PPP2R5E: variants seen among roughly 807,000 people sequenced by gnomAD.
PPP2R5E encodes the protein serine/threonine-protein phosphatase 2A 56 kDa regulatory subunit epsilon isoform.
Under a neutral mutation model 65.3 loss-of-function variants are expected in PPP2R5E, and 4 were observed. That is an observed-to-expected ratio of 0.06 (90% CI 0.03 to 0.14). The LOEUF is 0.14. Among genes scored for constraint, PPP2R5E ranks in the 10% least tolerant of loss-of-function variants. The probability of loss-of-function intolerance (pLI) is 1.00; values close to 1 mark genes in which losing one functional copy is unlikely to be tolerated. For missense variants in PPP2R5E, 274 were observed against 556.1 expected, an observed-to-expected ratio of 0.49 and a Z score of 5.10; for synonymous variants, 183 against 187.4, an observed-to-expected ratio of 0.98 and a Z score of 0.19.
intron 2 of PPP2R5E, among the ~76,000 whole-genome samples, chr14:63,517,891 T>C (rs1490661228): frequency 6.6e-6 from 1 of 152,202 alleles, no homozygotes; most frequent in African/African-American, 2.4e-5. Context: ...ACAATAATTC[T>C]AGATCTAATC....
chr14:63,485,196 TAAAA>T (rs200719135), intron 2 of PPP2R5E, among the ~76,000 whole-genome samples: 5 of 126,368 alleles, frequency 4.0e-5, no homozygotes, highest in Non-Finnish European at 6.7e-5. Context: ...TATACTCATT[TAAAA>T]AAAAAAAAAA....
At chr14:63,398,992 A>C (rs1885572874) in intron 5 of PPP2R5E, among the ~76,000 whole-genome samples, 2 of 152,222 alleles carry the variant, frequency 1.3e-5, no homozygotes, top group Admixed American at 6.5e-5. Context: ...GAGTTACTAT[A>C]TGACTAAGCG....
intron 11 of PPP2R5E, among the ~76,000 whole-genome samples, chr14:63,388,947 TGTG>T (rs1355070441): frequency 6.6e-6 from 1 of 152,124 alleles, no homozygotes; most frequent in African/African-American, 2.4e-5. Context: ...TTCCCTCCTG[TGTG>T]GGTTCCACAG....
intron 7 of PPP2R5E, among the ~76,000 whole-genome samples, chr14:63,394,611 T>A (rs992886195): frequency 5.3e-5 from 8 of 152,180 alleles, no homozygotes; most frequent in Non-Finnish European, 8.8e-5. Flanking sequence ...TTTCCAGACA[T>A]CATTCCTTCT....
chr14:63,542,864 G>T lies in PPP2R5E; in HGVS notation c.-93C>A. Reference sequence around the variant, plus strand: ...CGAGGTGGCCGCAGCGGGGGCGGGCGGCGGGACCGGGACGTGCAGGGGGAG... The same window carrying T: ...CGAGGTGGCCGCAGCGGGGGCGGGCTGCGGGACCGGGACGTGCAGGGGGAG... On this transcript the variant is annotated 5_prime_UTR_variant, in exon 1 of 14. Transcript: ENST00000337537. 1 of 153,622 alleles carries T rather than the reference G, an allele frequency of 6.5e-6. No homozygotes were observed. The highest frequency in any genetic ancestry group is 1.9e-4 in the South Asian group (1 of 5,338). 9.5% of individuals were successfully genotyped at this position (153,622 alleles called of 1,614,324 possible). A position where few individuals can be genotyped will look rare whatever the true frequency, so the allele number is the denominator to read the frequency against.
At chr14:63,462,767 A>T (rs978034615) in intron 2 of PPP2R5E, among the ~76,000 whole-genome samples, 2 of 152,174 alleles carry the variant, frequency 1.3e-5, no homozygotes, top group Admixed American at 1.3e-4. Flanking sequence ...ATTTCCTAGT[A>T]TATTAATAAT....
chr14:63,519,987 T>C (rs1258903175), intron 2 of PPP2R5E, among the ~76,000 whole-genome samples: 1 of 149,682 alleles, frequency 6.7e-6, no homozygotes, highest in Non-Finnish European at 1.5e-5. Flanking sequence ...AATTCAGTCT[T>C]GAGGATTTGG....
chr14:63,447,121 C>T (rs1254916039), intron 3 of PPP2R5E, among the ~76,000 whole-genome samples: 1 of 152,180 alleles, frequency 6.6e-6, no homozygotes, highest in African/African-American at 2.4e-5. Flanking sequence ...GGTAAATGAG[C>T]ACTGGCTTCA....
At chr14:63,441,306 C>T (rs1331647003) in intron 3 of PPP2R5E, among the ~76,000 whole-genome samples, 2 of 152,160 alleles carry the variant, frequency 1.3e-5, no homozygotes, top group African/African-American at 4.8e-5. Flanking sequence ...AAATTCACAC[C>T]ATATAAAACA....
chr14:63,524,308 T>G (rs1028645584), intron 2 of PPP2R5E, among the ~76,000 whole-genome samples: 2 of 152,122 alleles, frequency 1.3e-5, no homozygotes, highest in Non-Finnish European at 2.9e-5. Flanking sequence ...AAGATCCAGG[T>G]CCACAGGGCT....
At chr14:63,493,206 GGTT>G (rs1891367799) in intron 2 of PPP2R5E, among the ~76,000 whole-genome samples, 3 of 151,050 alleles carry the variant, frequency 2.0e-5, no homozygotes, top group Non-Finnish European at 4.4e-5. Context: ...TGGTTTGGTG[GGTT>G]GTTTTTTTTT....
intron 3 of PPP2R5E, among the ~76,000 whole-genome samples, chr14:63,436,176 A>G (rs1887944117): frequency 6.6e-6 from 1 of 152,226 alleles, no homozygotes; most frequent in Non-Finnish European, 1.5e-5. Context: ...TGTAAAAGCC[A>G]CAGTGCACAA....
chr14:63,428,629 TTAAG>T (rs1274003559), intron 3 of PPP2R5E, among the ~76,000 whole-genome samples: 2 of 152,176 alleles, frequency 1.3e-5, no homozygotes, highest in Non-Finnish European at 2.9e-5. Context: ...CTGACTATTG[TTAAG>T]TATGGTGCTG....
intron 2 of PPP2R5E, among the ~76,000 whole-genome samples, chr14:63,518,148 T>G (rs1171101786): frequency 2.0e-5 from 3 of 152,188 alleles, no homozygotes; most frequent in African/African-American, 4.8e-5. Flanking sequence ...CAATCACAGC[T>G]CACTGCAGCC....
intron 3 of PPP2R5E, among the ~76,000 whole-genome samples, chr14:63,426,774 A>G (rs939596228): frequency 6.6e-6 from 1 of 152,148 alleles, no homozygotes; most frequent in Non-Finnish European, 1.5e-5. Context: ...GAATGATTTA[A>G]GAATTAAATG....
chr14:63,403,233 C>T (rs1326500167), intron 5 of PPP2R5E, among the ~76,000 whole-genome samples: 3 of 151,890 alleles, frequency 2.0e-5, no homozygotes, highest in African/African-American at 7.3e-5. Flanking sequence ...TTGAGACCAA[C>T]ATGGGCTAAC....
At chr14:63,386,091 C>T (rs1362781886) in intron 11 of PPP2R5E, among the ~76,000 whole-genome samples, 2 of 152,122 alleles carry the variant, frequency 1.3e-5, no homozygotes, top group African/African-American at 2.4e-5. Flanking sequence ...GATTAAGAAG[C>T]CCTGTTTTAG....
intron 2 of PPP2R5E, among the ~76,000 whole-genome samples, chr14:63,484,416 A>T (rs1204576171): frequency 1.3e-5 from 2 of 151,872 alleles, no homozygotes; most frequent in Non-Finnish European, 2.9e-5. Context: ...AAAGAAGAAC[A>T]CCAAGGACTT....
chr14:63,480,322 T>C (rs1460013237), intron 2 of PPP2R5E, among the ~76,000 whole-genome samples: 1 of 151,976 alleles, frequency 6.6e-6, no homozygotes, highest in African/African-American at 2.4e-5. Flanking sequence ...GCCAGGTGTG[T>C]TGGTGTGCCT....
Sources: gnomAD v4.1 joint callset for allele counts (sites outside exome capture counted in the v4.1 genomes callset) on GRCh38, gnomAD v4.1.1 for gene constraint, MANE v1.5 for transcripts, NCBI Gene and HGNC (gene_info 2026-07-23, HGNC 2026-07-21) for gene names.